Variants in FMO5 observed in about 807,000 individuals in gnomAD.
FMO5 encodes flavin-containing monooxygenase 5.
A neutral mutation model predicts 43.6 loss-of-function variants in FMO5; 51 were observed. That is an observed-to-expected ratio of 1.17 (90% CI 0.93 to 1.48). The LOEUF is 1.48. Ranked by LOEUF, FMO5 falls within the 40% of genes most tolerant of loss-of-function variation. FMO5 has a pLI of 0.00. For synonymous variants in FMO5, 187 were observed against 216.5 expected (o/e 0.86, Z 1.20); for missense variants, 644 against 643.0 (o/e 1.00, Z -0.02).
rs1553919453 is a variant in FMO5 at position 147,194,906 on chromosome 1, G to T, written c.1184-4657C>A. Among the ~76,000 whole-genome samples the T allele has an allele frequency of 3.9e-5, 6 of 152,082 alleles. No homozygotes were observed. The South Asian group carries it at 1.3e-3, about 32-fold the overall frequency. On this transcript the variant is annotated intron_variant, in intron 7 of 8. Transcript: ENST00000254090. ...TTAGTCTGATGGGCTTCCCTTTGTG[G>T]GTAACCCGACCTTTCTCTCTGGCTG...
At chr1:147,197,693 A>G (rs1658246469) in intron 7 of FMO5, among the ~76,000 whole-genome samples, 1 of 152,160 alleles carries the variant, frequency 6.6e-6, no homozygotes, top group Non-Finnish European at 1.5e-5. Context: ...CTCCCCAGCC[A>G]TGCAGAACTG....
rs587689774 is a variant in FMO5 at position 147,186,415 on chromosome 1, G to C, written c.*485C>G. The C allele has an allele frequency of 1.1e-6, 1 of 906,500 alleles. No individual in the cohort carries two copies. The highest frequency in any genetic ancestry group is 1.2e-4 in the East Asian group (1 of 8,468). The allele number at this position is 906,500 out of a possible 1,614,324, so 56.2% of individuals were successfully genotyped here. ...TCTTAGATACATACAACTATTGTAGGAACATTATTTCTCTTATCTCTCAGG... is the reference window on the plus strand; with the variant it reads ...TCTTAGATACATACAACTATTGTAGCAACATTATTTCTCTTATCTCTCAGG... On this transcript the variant is annotated 3_prime_UTR_variant, in exon 9 of 9. Transcript: ENST00000254090.
chr1:147,220,509 G>A (rs1341452153), intron 2 of FMO5, among the ~76,000 whole-genome samples: 1 of 152,150 alleles, frequency 6.6e-6, no homozygotes, highest in Non-Finnish European at 1.5e-5. Flanking sequence ...TTAATAGTGG[G>A]CTGTGCATAG....
At chr1:147,207,079 A>G (rs1187130421) in intron 6 of FMO5, among the ~76,000 whole-genome samples, 1 of 152,020 alleles carries the variant, frequency 6.6e-6, no homozygotes, top group Non-Finnish European at 1.5e-5. Flanking sequence ...GGATATTGCC[A>G]ATGTATTAAT....
downstream of FMO5, chr1:147,184,754 C>A (rs1174349961): frequency 8.4e-7 from 1 of 1,185,780 alleles, no homozygotes; most frequent in East Asian, 3.0e-5. This position sits in a 1 kb window ranked among gnomAD's most constrained non-coding sequence, Gnocchi z 4.4. Context: ...ATAACCTAGC[C>A]GAGATAGTGT....
At chr1:147,188,663 T>C (rs1656085001) in intron 8 of FMO5, among the ~76,000 whole-genome samples, 1 of 151,660 alleles carries the variant, frequency 6.6e-6, no homozygotes, top group African/African-American at 2.4e-5. Flanking sequence ...TAATAAAGGT[T>C]ACATGTATAC....
At chr1:147,206,597 G>A (rs1660095731) in intron 6 of FMO5, among the ~76,000 whole-genome samples, 1 of 152,138 alleles carries the variant, frequency 6.6e-6, no homozygotes, top group African/African-American at 2.4e-5. Context: ...AAAATGATGA[G>A]TTCATGTCCT....
chr1:147,211,090 A>G (rs587688618), intron 5 of FMO5: 2 of 152,312 alleles, frequency 1.3e-5, no homozygotes, highest in Non-Finnish European at 2.9e-5. Context: ...GTGTGACAGT[A>G]TTGCCTCTGC....
Position 147,215,929 on chromosome 1 carries a change from T to C in FMO5, c.149A>G (p.Glu50Gly). The change falls in exon 3 of 9, where the codon GAA becomes GGA. Residue 50 changes from glutamate (E) to glycine (G), a missense_variant. By Grantham distance (98) the Glu-to-Gly change is moderately conservative. Transcript: ENST00000254090. The part of the protein sequence containing the change: ...GLWRFQENPE[E>G]GRASIYKSVI... ...TGATTTGTAAATACTGGCCCTTCCT[T>C]CTTCAGGATTTTCCTGCAATAAATA... 1 of 1,604,688 alleles carries C rather than the reference T, an allele frequency of 6.2e-7. No individual in the cohort carries two copies. Among genetic ancestry groups the C allele is most frequent in the South Asian group, 1.1e-5 (1 of 88,622 alleles).
At chr1:147,212,590 T>C in intron 4 of FMO5, 55 bp from the exon 5 acceptor site, 1 of 1,510,620 alleles carries the variant, frequency 6.6e-7, no homozygotes, top group Non-Finnish European at 9.0e-7. Context: ...TAGATATCAT[T>C]TGTCAAGTCA....
chr1:147,195,646 A>T (rs1657859695), intron 7 of FMO5, among the ~76,000 whole-genome samples: 1 of 152,174 alleles, frequency 6.6e-6, no homozygotes, highest in African/African-American at 2.4e-5. Context: ...ATAGTATTTA[A>T]GCCAGTATGA....
intron 6 of FMO5, chr1:147,203,400 A>G: frequency 2.1e-6 from 2 of 964,690 alleles, no homozygotes; most frequent in Non-Finnish European, 3.4e-6. Flanking sequence ...CGAGTTTGAT[A>G]GACCAGTGTT....
At chr1:147,218,429 G>T (rs1234034706) in intron 2 of FMO5, among the ~76,000 whole-genome samples, 1 of 151,230 alleles carries the variant, frequency 6.6e-6, no homozygotes, top group Non-Finnish European at 1.5e-5. Context: ...AGTAGAGACG[G>T]GTTTCACCAT....
At chr1:147,220,128 G>A (rs967136218) in intron 2 of FMO5, among the ~76,000 whole-genome samples, 4 of 152,050 alleles carry the variant, frequency 2.6e-5, no homozygotes, top group Admixed American at 1.3e-4. Context: ...ATGAGCCATC[G>A]CACCCAGTCA....
intron 2 of FMO5, among the ~76,000 whole-genome samples, chr1:147,222,195 C>T (rs1351604285): frequency 1.3e-5 from 2 of 152,142 alleles, no homozygotes; most frequent in African/African-American, 2.4e-5. Context: ...CATGGTGAAA[C>T]CCCATCTTTA....
intron 7 of FMO5, among the ~76,000 whole-genome samples, chr1:147,199,314 A>T (rs1368673729): frequency 6.6e-6 from 1 of 152,210 alleles, no homozygotes; most frequent in Non-Finnish European, 1.5e-5. Flanking sequence ...AAAGGCAAGA[A>T]TGTGGGAGGC....
Position 147,201,443 on chromosome 1 carries a change from C to T in FMO5, c.892G>A (p.Val298Met). 2.5e-6 allele frequency: 4 copies of T among 1,614,126 alleles called. No homozygotes were observed. Among genetic ancestry groups the T allele is most frequent in the South Asian group, 2.2e-5 (2 of 91,076 alleles). Residue 298 changes from valine (V) to methionine (M), a missense_variant, in exon 7 of 9, where the codon GTG becomes ATG. Physicochemically the swap from Val to Met is conservative, Grantham distance 21. Transcript: ENST00000254090. ...TCCTTCACATTTCCTTTCACTTTCA[C>T]CAAGCCAGAAATGATACGATTTGGC... is the stretch of plus-strand genomic sequence containing the variant. Reference protein sequence around the residue: ...DLPNRIISGLVKVKGNVKEFT... With the variant: ...DLPNRIISGLMKVKGNVKEFT...
Position 147,201,444 on chromosome 1 carries a change from CA to C in FMO5, c.890del (p.Leu297TrpfsTer2). 3 of 1,614,094 alleles carry C rather than the reference CA, an allele frequency of 1.9e-6. No homozygotes were observed. Among genetic ancestry groups the C allele is most frequent in the Non-Finnish European group, 2.5e-6 (3 of 1,180,014 alleles). On this transcript the variant is annotated frameshift_variant, in exon 7 of 9. Transcript: ENST00000254090. LOFTEE classifies it high-confidence loss of function. The part of the protein sequence containing the change: ...DDLPNRIISG[L>X]VKVKGNVKEF... ...CCTTCACATTTCCTTTCACTTTCAC[CA>C]AGCCAGAAATGATACGATTTGGCAG... is the stretch of plus-strand genomic sequence containing the variant.
intron 7 of FMO5, among the ~76,000 whole-genome samples, chr1:147,197,527 A>C (rs1658217008): frequency 6.6e-6 from 1 of 151,690 alleles, no homozygotes; most frequent in Non-Finnish European, 1.5e-5. Flanking sequence ...TGGGGTGGTT[A>C]CTCTCATACT....
Sources: allele counts gnomAD v4.1 joint callset (sites outside exome capture counted in the v4.1 genomes callset), GRCh38; gene constraint gnomAD v4.1.1; non-coding constraint Gnocchi (gnomAD v3.1); transcripts MANE v1.5; gene names NCBI Gene and HGNC (gene_info 2026-07-23, HGNC 2026-07-21).